Variants in ZCWPW1 observed in about 807,000 individuals in gnomAD.
The protein encoded by ZCWPW1 is zinc finger CW-type and PWWP domain containing 1, also known as zinc finger CW-type PWWP domain protein 1.
A neutral mutation model predicts 81.3 loss-of-function variants in ZCWPW1; 56 were observed. That is an observed-to-expected ratio of 0.69 (90% CI 0.56 to 0.86). The LOEUF (loss-of-function observed/expected upper bound fraction) is 0.86. Ranked by LOEUF, ZCWPW1 falls within the 40% of genes least tolerant of loss-of-function variation. The pLI, the probability that ZCWPW1 is intolerant of heterozygous loss-of-function variation, is 0.00. For missense variants in ZCWPW1, 650 were observed against 769.8 expected, an observed-to-expected ratio of 0.84 and a Z score of 1.84; for synonymous variants, 250 against 273.7, an observed-to-expected ratio of 0.91 and a Z score of 0.86.
At chr7:100,404,748 G>C (rs1792628039) in intron 13 of ZCWPW1, among the ~76,000 whole-genome samples, 1 of 152,076 alleles carries the variant, frequency 6.6e-6, no homozygotes, top group Non-Finnish European at 1.5e-5. Flanking sequence ...TCTATTTCCA[G>C]TTTGTTTCTA....
At chr7:100,427,428 G>A (rs985492445) in intron 1 of ZCWPW1, among the ~76,000 whole-genome samples, 2 of 151,620 alleles carry the variant, frequency 1.3e-5, no homozygotes, top group East Asian at 2.0e-4. Flanking sequence ...AGCCGAGCAC[G>A]GTGGCGCGTG....
rs1359029813 is a variant in ZCWPW1 at position 100,402,009 on chromosome 7, G to A, written c.1507C>T (p.Arg503Ter). 5 of 1,613,370 alleles carry A rather than the reference G, an allele frequency of 3.1e-6. No homozygotes were observed. The highest frequency in any genetic ancestry group is 1.7e-5 in the Admixed American group (1 of 59,868). ...LGGDAGTADG[R>*]GRTLQRKIMK... is the part of the protein sequence containing the mutation. The stretch of plus-strand genomic sequence containing the variant: ...ATCTTCCTCTGCAGTGTCCTGCCTC[G>A]GCCATCTGCTGTGCCTGCATCACCC... Residue 503 changes from arginine (R) to a stop codon, truncating the protein, a stop_gained, in exon 17 of 18, where the codon CGA becomes TGA. Coordinates refer to ENST00000684423, the MANE Select transcript of ZCWPW1 (RefSeq NM_001386010.1). LOFTEE classifies it high-confidence loss of function.
At chr7:100,418,275 T>G (rs1795722379) in intron 5 of ZCWPW1, among the ~76,000 whole-genome samples, 1 of 152,228 alleles carries the variant, frequency 6.6e-6, no homozygotes, top group African/African-American at 2.4e-5. Context: ...GTATGTACCC[T>G]AAGTTTTTCA....
Position 100,415,963 on chromosome 7 carries a change from A to G in ZCWPW1, c.754+12T>C. The G allele has an allele frequency of 5.0e-6, 8 of 1,614,024 alleles. No homozygotes were observed. Among genetic ancestry groups the G allele is most frequent in the Non-Finnish European group, 6.8e-6 (8 of 1,180,004 alleles). ...TCAGGCCAAGTAGGTTTGCCAAACC[A>G]GCTAAACTCACCAAAACCACTTATC... On this transcript the variant is annotated intron_variant, in intron 8 of 17. Coordinates refer to ENST00000684423, the MANE Select transcript of ZCWPW1 (RefSeq NM_001386010.1).
rs992229300 is a variant in ZCWPW1, at chr7:100,420,008, G to A, written c.29-125C>T. The A allele has an allele frequency of 5.1e-6, 4 of 790,152 alleles. No homozygotes were observed. The African/African-American group carries it at 7.0e-5, about 14-fold the overall frequency. The allele number at this position is 790,152 out of a possible 1,614,324, so 48.9% of individuals were successfully genotyped here. A position where few individuals can be genotyped will look rare whatever the true frequency, so the allele number is the denominator to read the frequency against. ...GAGCTTTTAACAAATTCAGATTCCT[G>A]GGTCTCTCACTGCTTACTCCACTCC... is the stretch of plus-strand genomic sequence containing the variant. On this transcript the variant is annotated intron_variant, in intron 3 of 17. Coordinates refer to ENST00000684423, the MANE Select transcript of ZCWPW1 (RefSeq NM_001386010.1).
intron 13 of ZCWPW1, 26 bp downstream of exon 13, chr7:100,404,987 T>G (rs1285364894): frequency 6.2e-7 from 1 of 1,602,958 alleles, no homozygotes; most frequent in African/African-American, 1.3e-5. Context: ...GGGAAAGGAA[T>G]GGGTGTGGTC....
intron 2 of ZCWPW1, among the ~76,000 whole-genome samples, chr7:100,422,407 T>C (rs1796521333): frequency 6.6e-6 from 1 of 152,216 alleles, no homozygotes; most frequent in South Asian, 2.1e-4. Context: ...CATAGGCAAC[T>C]GAAGAGTCAC....
chr7:100,408,493 C>A, intron 10 of ZCWPW1, 46 bp downstream of exon 10: 2 of 1,601,676 alleles, frequency 1.2e-6, no homozygotes, highest in East Asian at 2.2e-5. Flanking sequence ...GAATCTACCT[C>A]TCCCAAGTTT....
chr7:100,426,307 A>C (rs979961436), intron 1 of ZCWPW1, among the ~76,000 whole-genome samples: 3 of 152,170 alleles, frequency 2.0e-5, no homozygotes, highest in Admixed American at 2.0e-4. Context: ...CAGCCTGACC[A>C]ACATGGTGAA....
Position 100,407,215 on chromosome 7 carries a change from C to G in ZCWPW1, c.1068+13G>C. ...GGCCTGAGCTCCTTCTTACCCTGAA[C>G]CAGGAAACTCACCGGCAGGGAATCA... On this transcript the variant is annotated intron_variant, in intron 11 of 17. Coordinates refer to ENST00000684423, the MANE Select transcript of ZCWPW1 (RefSeq NM_001386010.1). The G allele has an allele frequency of 6.2e-7, 1 of 1,613,410 alleles. No individual in the cohort carries two copies. Among genetic ancestry groups the G allele is most frequent in the Non-Finnish European group, 8.5e-7 (1 of 1,179,486 alleles).
intron 1 of ZCWPW1, among the ~76,000 whole-genome samples, chr7:100,426,984 C>T (rs1429740523): frequency 9.5e-5 from 1 of 10,522 alleles, no homozygotes; most frequent in African/African-American, 5.0e-4. Context: ...TTCCTCCCTC[C>T]CTCTCTTCTC....
At chr7:100,420,753 G>A in intron 2 of ZCWPW1, 75 bp from the exon 3 acceptor site, 1 of 1,457,288 alleles carries the variant, frequency 6.9e-7, no homozygotes, top group Non-Finnish European at 9.5e-7. Flanking sequence ...CTTGGGTTCA[G>A]AAACTCTTTG....
chr7:100,403,893 A>G, intron 14 of ZCWPW1, 108 bp from the exon 15 acceptor site: 1 of 1,200,744 alleles, frequency 8.3e-7, no homozygotes, highest in South Asian at 1.3e-5. Flanking sequence ...TTTGTGTACA[A>G]GTGGTATTTT....
At chr7:100,409,133 C>T (rs1584254538) in intron 9 of ZCWPW1, among the ~76,000 whole-genome samples, 1 of 152,114 alleles carries the variant, frequency 6.6e-6, no homozygotes, top group Non-Finnish European at 1.5e-5. Context: ...TATATCCCTC[C>T]CTATCCACCA....
In ZCWPW1 at chr7:100,403,546, A is replaced by G. The variant is rs575421451; in HGVS notation, c.1413+148T>C. On this transcript the variant is annotated intron_variant, in intron 15 of 17. Transcript: ENST00000684423. ...ACAATTTTTAAAGCTAATGTTGGCC[A>G]GGTGTGGTGGCTCATGCCTGTAATC... is the stretch of plus-strand genomic sequence containing the variant. 7.6e-4 allele frequency: 301 copies of G among 395,718 alleles called. 1 individual carries two copies. The highest frequency in any genetic ancestry group is 5.9e-3 in the African/African-American group (267 of 45,454). The allele number at this position is 395,718 out of a possible 1,614,324, so 24.5% of individuals were successfully genotyped here. A position where few individuals can be genotyped will look rare whatever the true frequency, so the allele number is the denominator to read the frequency against.
rs779912489 is a variant in ZCWPW1, at chr7:100,416,362, C to T, written c.574G>A (p.Ala192Thr). The T allele has an allele frequency of 6.2e-7, 1 of 1,614,136 alleles. No individual in the cohort carries two copies. Among genetic ancestry groups the T allele is most frequent in the Non-Finnish European group, 8.5e-7 (1 of 1,180,010 alleles). The change falls in exon 7 of 18, where the codon GCA (alanine) becomes ACA (threonine). Residue 192 changes from alanine (A) to threonine (T), a missense_variant. Physicochemically the swap from Ala to Thr is moderately conservative, Grantham distance 58. Coordinates refer to ENST00000684423, the MANE Select transcript of ZCWPW1 (RefSeq NM_001386010.1). Reference protein sequence around the residue: ...RTSKLGQPDPAPSKKKSNRLT... With the variant: ...RTSKLGQPDPTPSKKKSNRLT... ...CTATTGGATTTCTTCTTAGAGGGTG[C>T]AGGATCTGGCTGGCCTAACTTAGAT...
intron 5 of ZCWPW1, among the ~76,000 whole-genome samples, chr7:100,418,162 G>A (rs1795691672): frequency 2.0e-5 from 3 of 152,134 alleles, no homozygotes; most frequent in Non-Finnish European, 4.4e-5. Flanking sequence ...TGGGATTACA[G>A]GCATGAGCCA....
At chr7:100,428,107 A>G (rs760018618) in intron 1 of ZCWPW1, among the ~76,000 whole-genome samples, 24 of 152,036 alleles carry the variant, frequency 1.6e-4, no homozygotes, top group Non-Finnish European at 2.9e-4. Flanking sequence ...GGGTGCCAGG[A>G]CTGGCAGCGC....
rs200988509 is a variant in ZCWPW1 at position 100,401,030 on chromosome 7, G to C, written c.1934C>G (p.Ala645Gly). 2 of 1,608,998 alleles carry C rather than the reference G, an allele frequency of 1.2e-6. No homozygotes were observed. Among genetic ancestry groups the C allele is most frequent in the Admixed American group, 3.3e-5 (2 of 59,774 alleles). Residue 645 changes from alanine to glycine, a missense_variant, in exon 18 of 18, where the codon GCG (alanine) becomes GGG (glycine). Ala to Gly is a moderately conservative substitution (Grantham distance 60). Coordinates refer to ENST00000684423, the MANE Select transcript of ZCWPW1 (RefSeq NM_001386010.1). ...GAGCACCAGCTACTTCCCAAACAGC[G>C]CCACGGGGAAGTCCTCGCCATCACT... ...SNSDGEDFPV[A>G]LFGK
Sources: allele counts gnomAD v4.1 joint callset (sites outside exome capture counted in the v4.1 genomes callset), GRCh38; gene constraint gnomAD v4.1.1; transcripts MANE v1.5; gene names NCBI Gene and HGNC (gene_info 2026-07-23, HGNC 2026-07-21).